Variants in PSMA8 observed in about 807,000 individuals in gnomAD.
The protein encoded by PSMA8 is proteasome 20S subunit alpha 8.
PSMA8 carries 18 observed loss-of-function variants against 32.4 expected under a neutral mutation model. The ratio of observed to expected loss-of-function variants is 0.56; its 90% CI spans 0.38 to 0.82. The LOEUF is 0.82. PSMA8 is among the 40% of genes least tolerant of loss of function. The probability of loss-of-function intolerance (pLI) is 0.00; values close to 1 mark genes in which losing one functional copy is unlikely to be tolerated. For synonymous variants in PSMA8, 104 were observed against 98.1 expected (o/e 1.06, Z -0.36); for missense variants, 298 against 300.7 (o/e 0.99, Z 0.07).
At chr18:26,137,267 G>C (rs533888679) in intron 1 of PSMA8, among the ~76,000 whole-genome samples, 2 of 152,142 alleles carry the variant, frequency 1.3e-5, no homozygotes, top group Non-Finnish European at 2.9e-5. Flanking sequence ...AGACCAGCCT[G>C]GCCAACATGG....
intron 1 of PSMA8, among the ~76,000 whole-genome samples, chr18:26,138,552 C>G (rs531835981): frequency 3.9e-5 from 6 of 152,272 alleles, no homozygotes; most frequent in African/African-American, 1.2e-4. Flanking sequence ...CCTTTATAAG[C>G]TTTAAGTAAA....
chr18:26,148,393 T>C (rs923233021), intron 2 of PSMA8, among the ~76,000 whole-genome samples: 9 of 151,742 alleles, frequency 5.9e-5, no homozygotes. Flanking sequence ...TATACCACAT[T>C]AACAGAAGGA....
chr18:26,150,601 A>G (rs1426528103), intron 2 of PSMA8, among the ~76,000 whole-genome samples: 1 of 152,232 alleles, frequency 6.6e-6, no homozygotes, highest in Non-Finnish European at 1.5e-5. Flanking sequence ...CATTAAATGT[A>G]AATTTTAATT....
At chr18:26,172,327 T>C (rs116234928) in intron 4 of PSMA8, among the ~76,000 whole-genome samples, 2,758 of 152,320 alleles carry the variant, frequency 0.018, 94 homozygotes, top group African/African-American at 0.061. Flanking sequence ...CATGTAGGCA[T>C]TGCAGTCTCT....
chr18:26,188,121 A>T (rs1200925357), intron 6 of PSMA8, among the ~76,000 whole-genome samples: 1 of 152,178 alleles, frequency 6.6e-6, no homozygotes, highest in African/African-American at 2.4e-5. Flanking sequence ...ACTAGAAATC[A>T]GTAACTAGAG....
chr18:26,146,445 C>T (rs1370321710), intron 2 of PSMA8, among the ~76,000 whole-genome samples: 1 of 152,070 alleles, frequency 6.6e-6, no homozygotes, highest in Non-Finnish European at 1.5e-5. Context: ...ATTATCTTTT[C>T]ACAAAACAAG....
intron 6 of PSMA8, among the ~76,000 whole-genome samples, chr18:26,185,846 G>C (rs2055348375): frequency 6.6e-6 from 1 of 150,448 alleles, no homozygotes; most frequent in Admixed American, 6.6e-5. Flanking sequence ...TAACTTATTT[G>C]TTTTCATTTT....
intron 4 of PSMA8, among the ~76,000 whole-genome samples, chr18:26,163,213 G>GTATGTATATATATATA (rs1555662071): frequency 9.9e-5 from 8 of 80,912 alleles, no homozygotes; most frequent in African/African-American, 4.1e-4. Flanking sequence ...ATGTGTGTGT[G>GTATGTATATATATATA]TATATATATA....
intron 4 of PSMA8, among the ~76,000 whole-genome samples, chr18:26,172,026 A>G (rs181451585): frequency 6.6e-6 from 1 of 152,348 alleles, no homozygotes; most frequent in Non-Finnish European, 1.5e-5. Context: ...AGGAACACCA[A>G]GCATGGAGAG....
chr18:26,137,826 T>C (rs185659034), intron 1 of PSMA8, among the ~76,000 whole-genome samples: 1 of 152,312 alleles, frequency 6.6e-6, no homozygotes, highest in African/African-American at 2.4e-5. Context: ...TATTAGAGTA[T>C]GAGGCACTAT....
rs369804246 is a variant in PSMA8 at position 26,151,976 on chromosome 18, A to T, written c.348A>T (p.Leu116Phe). ...ACATAACTCGCTTCATAGCAACTTT[A>T]AAGCAGGTAAGCTAATATTCTAACA... The part of the protein sequence containing the change: ...VEYITRFIAT[L>F]KQKYTQSNGR... Residue 116 changes from leucine (L) to phenylalanine (F), a missense_variant, in exon 3 of 7, where the codon TTA (leucine) becomes TTT (phenylalanine). Coordinates refer to ENST00000415576, the MANE Select transcript of PSMA8 (RefSeq NM_001025096.2). The T allele has an allele frequency of 1.9e-6, 3 of 1,596,060 alleles. No individual in the cohort carries two copies. Among genetic ancestry groups the T allele is most frequent in the African/African-American group, 1.4e-5 (1 of 73,982 alleles).
intron 1 of PSMA8, among the ~76,000 whole-genome samples, chr18:26,136,586 T>C (rs2054913209): frequency 6.6e-6 from 1 of 152,218 alleles, no homozygotes; most frequent in Non-Finnish European, 1.5e-5. Context: ...ACTTGTCCTC[T>C]ATAATGAAGC....
chr18:26,143,465 A>G (rs1308027414), intron 1 of PSMA8, among the ~76,000 whole-genome samples: 1 of 152,224 alleles, frequency 6.6e-6, no homozygotes, highest in Non-Finnish European at 1.5e-5. Context: ...TGGAAAATGA[A>G]TGAATGAATA....
chr18:26,149,391 T>C (rs1430168592), intron 2 of PSMA8, among the ~76,000 whole-genome samples: 1 of 152,210 alleles, frequency 6.6e-6, no homozygotes, highest in Non-Finnish European at 1.5e-5. Context: ...CAAAGCAATT[T>C]AGATTCAATG....
At chr18:26,191,546 G>A (rs746003802) in intron 6 of PSMA8, among the ~76,000 whole-genome samples, 1 of 128,838 alleles carries the variant, frequency 7.8e-6, no homozygotes, top group Non-Finnish European at 1.6e-5. Context: ...AGCTACTGAG[G>A]AGACTGAGGT....
chr18:26,172,599 C>T (rs1278689269), intron 4 of PSMA8, among the ~76,000 whole-genome samples: 1 of 151,982 alleles, frequency 6.6e-6, no homozygotes, highest in Non-Finnish European at 1.5e-5. Flanking sequence ...GTCTTAGAGA[C>T]CAGTTGAGAA....
At chr18:26,137,507 G>A (rs2054921697) in intron 1 of PSMA8, among the ~76,000 whole-genome samples, 1 of 152,110 alleles carries the variant, frequency 6.6e-6, no homozygotes, top group Non-Finnish European at 1.5e-5. Context: ...GTTGAATGAG[G>A]TAATAATGCA....
intron 1 of PSMA8, among the ~76,000 whole-genome samples, chr18:26,136,312 G>A (rs567078908): frequency 1.8e-4 from 27 of 152,126 alleles, no homozygotes; most frequent in Admixed American, 7.8e-4. Context: ...CCATGAAAAC[G>A]ATAAGATTTA....
At chr18:26,142,381 A>C (rs1383079923) in intron 1 of PSMA8, among the ~76,000 whole-genome samples, 1 of 152,168 alleles carries the variant, frequency 6.6e-6, no homozygotes, top group Non-Finnish European at 1.5e-5. Flanking sequence ...CTACAAAGCA[A>C]TTATAAACAC....
Sources: allele counts gnomAD v4.1 joint callset (sites outside exome capture counted in the v4.1 genomes callset), GRCh38; gene constraint gnomAD v4.1.1; transcripts MANE v1.5; gene names NCBI Gene and HGNC (gene_info 2026-07-23, HGNC 2026-07-21).